The following ATF7IP variants were observed in gnomAD, a reference collection of about 807,000 sequenced individuals.
ATF7IP encodes the protein activating transcription factor 7 interacting protein.
Under a neutral mutation model 106.4 loss-of-function variants are expected in ATF7IP, and 23 were observed. The ratio of observed to expected loss-of-function variants is 0.22; its 90% confidence interval spans 0.16 to 0.31. The LOEUF (loss-of-function observed/expected upper bound fraction) is 0.31, where lower values mean the gene tolerates loss of function less well. Ranked by LOEUF, ATF7IP falls within the 10% of genes least tolerant of loss-of-function variation. ATF7IP has a pLI of 1.00. For missense variants in ATF7IP, 1,334 were observed against 1,524.3 expected (o/e 0.88, Z 2.08); for synonymous variants, 542 against 539.0 (o/e 1.01, Z -0.08).
chr12:14,479,579 T>C (rs1209985205), intron 12 of ATF7IP, among the ~76,000 whole-genome samples: 3 of 152,188 alleles, frequency 2.0e-5, no homozygotes, highest in Non-Finnish European at 4.4e-5. Context: ...ATGTTTTCCA[T>C]AGTGATTTAG....
intron 12 of ATF7IP, among the ~76,000 whole-genome samples, chr12:14,478,934 A>T (rs894154492): frequency 1.1e-4 from 17 of 152,210 alleles, no homozygotes; most frequent in Admixed American, 1.3e-4. Context: ...ATGCTAATTT[A>T]TAATGTAAAT....
intron 10 of ATF7IP, among the ~76,000 whole-genome samples, chr12:14,475,627 C>T (rs1217052078): frequency 6.6e-6 from 1 of 152,138 alleles, no homozygotes; most frequent in African/African-American, 2.4e-5. Flanking sequence ...ATCTTATTTG[C>T]TCTATGCAAC....
intron 1 of ATF7IP, among the ~76,000 whole-genome samples, chr12:14,422,845 T>G (rs934779018): frequency 1.3e-5 from 2 of 152,236 alleles, no homozygotes; most frequent in African/African-American, 4.8e-5. Flanking sequence ...TTATGAGTAG[T>G]GCCTCTATAG....
chr12:14,393,668 A>G (rs537125031), intron 1 of ATF7IP, among the ~76,000 whole-genome samples: 5 of 152,286 alleles, frequency 3.3e-5, no homozygotes, highest in African/African-American at 1.2e-4. Flanking sequence ...ATTTAAAAAT[A>G]TGGAAAATAT....
Position 14,423,965 on chromosome 12 carries a change from C to T in ATF7IP, c.50C>T (p.Thr17Met). The change falls in exon 2 of 15, where the codon ACG becomes ATG. Residue 17 changes from threonine (T) to methionine (M), a missense_variant. Coordinates refer to ENST00000261168, the MANE Select transcript of ATF7IP (RefSeq NM_018179.5). ...PQKKVFKARK[T>M]MRVSDRQQLE... ...AAAAAAGTCTTTAAGGCTCGAAAAA[C>T]GATGAGAGTGAGTGATCGTCAGCAA... 6.2e-7 allele frequency: 1 copy of T among 1,612,922 alleles called. No individual in the cohort carries two copies. The highest frequency in any genetic ancestry group is 8.5e-7 in the Non-Finnish European group (1 of 1,179,660).
At chr12:14,416,779 G>A (rs999284936) in intron 1 of ATF7IP, 1 of 309,278 alleles carries the variant, frequency 3.2e-6, no homozygotes, top group Admixed American at 6.5e-5. Flanking sequence ...GCTGGGCAAG[G>A]TTTGTGACAC....
intron 1 of ATF7IP, among the ~76,000 whole-genome samples, chr12:14,409,555 G>A (rs1330437707): frequency 2.6e-5 from 4 of 152,000 alleles, no homozygotes; most frequent in African/African-American, 9.7e-5. Context: ...TTTGTCTTTT[G>A]TTTTTTGTTT....
intron 6 of ATF7IP, among the ~76,000 whole-genome samples, chr12:14,447,725 A>C (rs1427643219): frequency 6.6e-6 from 1 of 152,156 alleles, no homozygotes; most frequent in Non-Finnish European, 1.5e-5. Context: ...AAAGTATTTT[A>C]GTATTCTACT....
intron 12 of ATF7IP, among the ~76,000 whole-genome samples, chr12:14,480,682 T>C (rs867058622): frequency 1.3e-5 from 2 of 152,218 alleles, no homozygotes; most frequent in African/African-American, 4.8e-5. Flanking sequence ...TTTTCTCTTT[T>C]AAGTCACTCC....
chr12:14,444,750 T>A (rs1942868164), intron 5 of ATF7IP, among the ~76,000 whole-genome samples: 1 of 152,186 alleles, frequency 6.6e-6, no homozygotes, highest in Non-Finnish European at 1.5e-5. Flanking sequence ...TTTAAAATGA[T>A]AATTCTTTTA....
chr12:14,368,818 T>A (rs912007383), intron 1 of ATF7IP, among the ~76,000 whole-genome samples: 2 of 152,188 alleles, frequency 1.3e-5, no homozygotes, highest in Non-Finnish European at 2.9e-5. Flanking sequence ...TCTTATTTGT[T>A]GGTAACAGCT....
intron 10 of ATF7IP, among the ~76,000 whole-genome samples, chr12:14,471,863 A>G (rs754070528): frequency 6.6e-6 from 1 of 152,186 alleles, no homozygotes; most frequent in Non-Finnish European, 1.5e-5. Context: ...GCCAAACCAT[A>G]TAAGGAGGTA....
At chr12:14,423,655 G>GA (rs139010573) in intron 1 of ATF7IP, 13,304 of 196,200 alleles carry the variant, frequency 0.068, 1,330 homozygotes, top group African/African-American at 0.27. Flanking sequence ...TTCCATATTG[G>GA]AAAAAAAAAC....
intron 1 of ATF7IP, chr12:14,419,894 T>C (rs891098535): frequency 2.0e-5 from 3 of 152,204 alleles, no homozygotes; most frequent in African/African-American, 7.2e-5. Context: ...ATAAGAAATA[T>C]GTTCTAAGTA....
chr12:14,480,869 T>C (rs1328444803), intron 12 of ATF7IP, 134 bp from the exon 13 acceptor site: 5 of 745,202 alleles, frequency 6.7e-6, no homozygotes. Context: ...TAGAAGATCA[T>C]AAAAGGAGAC....
intron 13 of ATF7IP, among the ~76,000 whole-genome samples, chr12:14,487,813 T>C (rs900210911): frequency 1.3e-5 from 2 of 152,234 alleles, no homozygotes; most frequent in African/African-American, 4.8e-5. Flanking sequence ...CATCATTTTC[T>C]TTTATCACTT....
chr12:14,494,055 G>A (rs1944915857), intron 13 of ATF7IP, among the ~76,000 whole-genome samples: 1 of 151,638 alleles, frequency 6.6e-6, no homozygotes, highest in African/African-American at 2.4e-5. Context: ...AGTGTCAAAT[G>A]CATTTATTTT....
intron 1 of ATF7IP, among the ~76,000 whole-genome samples, chr12:14,377,311 A>G (rs916572601): frequency 2.0e-5 from 3 of 149,250 alleles, no homozygotes; most frequent in Admixed American, 1.3e-4. Context: ...TCATTTTTAA[A>G]TTTCACATTT....
chr12:14,395,010 A>C (rs572599217), intron 1 of ATF7IP: 20 of 152,130 alleles, frequency 1.3e-4, no homozygotes, highest in East Asian at 7.7e-4. Context: ...TTTTGTGGTA[A>C]ATGGGATGTA....
Sources: allele counts gnomAD v4.1 joint callset (sites outside exome capture counted in the v4.1 genomes callset), GRCh38; gene constraint gnomAD v4.1.1; transcripts MANE v1.5; gene names NCBI Gene and HGNC (gene_info 2026-07-23, HGNC 2026-07-21).